COL23A1: variants seen among roughly 807,000 people sequenced by gnomAD.
COL23A1 encodes collagen alpha-1(XXIII) chain.
A neutral mutation model predicts 99.3 loss-of-function variants in COL23A1; 97 were observed. That is an observed-to-expected ratio of 0.98 (90% CI 0.83 to 1.16). The LOEUF (loss-of-function observed/expected upper bound fraction) is 1.16, where lower values mean the gene tolerates loss of function less well. COL23A1 is among the 50% of genes most tolerant of loss of function. The pLI is 0.00. For synonymous variants in COL23A1, 320 were observed against 308.2 expected (o/e 1.04, Z -0.40); for missense variants, 762 against 757.4 (o/e 1.01, Z -0.07).
chr5:178,590,270 G>A lies in COL23A1; in HGVS notation c.-73C>T. On this transcript the variant is annotated 5_prime_UTR_variant, in exon 1 of 29. Transcript: ENST00000390654. The surrounding 1 kb of genome is among the most constrained non-coding windows in gnomAD (Gnocchi z 5.7). ...GCAGAGGCTGGGTGCGAGAGGAGCA[G>A]GCGGGACAGCCCGAGGCACGAGGTC... 1 of 1,164,844 alleles carries A rather than the reference G, an allele frequency of 8.6e-7. No homozygotes were observed. Among genetic ancestry groups the A allele is most frequent in the Non-Finnish European group, 1.1e-6 (1 of 940,456 alleles). 72.2% of individuals were successfully genotyped at this position (1,164,844 alleles called of 1,614,324 possible).
At chr5:178,476,431 T>A (rs1386760918) in intron 2 of COL23A1, among the ~76,000 whole-genome samples, 1 of 152,234 alleles carries the variant, frequency 6.6e-6, no homozygotes, top group Non-Finnish European at 1.5e-5. Flanking sequence ...CTTTGGTTTT[T>A]TGGCTCCTTT....
intron 2 of COL23A1, chr5:178,352,347 A>G (rs1287974356): frequency 6.6e-6 from 1 of 152,242 alleles, no homozygotes; most frequent in East Asian, 1.9e-4. Flanking sequence ...CAAGATGCAA[A>G]TGCTATTAAA....
chr5:178,506,988 T>G (rs1408576476), intron 2 of COL23A1, among the ~76,000 whole-genome samples: 1 of 152,256 alleles, frequency 6.6e-6, no homozygotes, highest in Non-Finnish European at 1.5e-5. Context: ...CGTTTTAGTT[T>G]AATTTTGTTT....
intron 27 of COL23A1, among the ~76,000 whole-genome samples, chr5:178,239,526 T>C (rs968612181): frequency 2.0e-5 from 3 of 151,042 alleles, no homozygotes; most frequent in African/African-American, 4.9e-5. Context: ...CCGTGTGGCT[T>C]CCTGTCTGAT....
At chr5:178,577,481 A>T (rs1407349681) in intron 1 of COL23A1, among the ~76,000 whole-genome samples, 1 of 152,172 alleles carries the variant, frequency 6.6e-6, no homozygotes, top group Non-Finnish European at 1.5e-5. Context: ...GTGGTGCTGT[A>T]GGGGGAAGCT....
At chr5:178,540,170 A>C (rs1257421945) in intron 2 of COL23A1, among the ~76,000 whole-genome samples, 1 of 151,864 alleles carries the variant, frequency 6.6e-6, no homozygotes, top group South Asian at 2.1e-4. Context: ...GGTCTTAGAC[A>C]ATCAATTAAT....
intron 2 of COL23A1, among the ~76,000 whole-genome samples, chr5:178,416,809 C>T (rs565991052): frequency 2.2e-4 from 34 of 152,154 alleles, no homozygotes; most frequent in African/African-American, 8.2e-4. Context: ...GCACACAGCC[C>T]CCAGGGCAGG....
chr5:178,328,550 G>C (rs55698123), intron 2 of COL23A1, among the ~76,000 whole-genome samples: 2 of 152,320 alleles, frequency 1.3e-5, no homozygotes, highest in South Asian at 4.1e-4. Flanking sequence ...TCTATTCATG[G>C]CTTTCTTAGG....
intron 2 of COL23A1, among the ~76,000 whole-genome samples, chr5:178,427,668 G>A (rs1283538233): frequency 1.3e-5 from 2 of 152,184 alleles, no homozygotes; most frequent in African/African-American, 2.4e-5. Context: ...AGACATGGAG[G>A]AAGCTTAAAT....
At chr5:178,536,275 G>A (rs887253879) in intron 2 of COL23A1, among the ~76,000 whole-genome samples, 14 of 152,396 alleles carry the variant, frequency 9.2e-5, no homozygotes, top group Non-Finnish European at 1.9e-4. Flanking sequence ...GGAGAACCAC[G>A]AAGAGATGGA....
rs1254873932 is a variant in COL23A1 at position 178,306,771 on chromosome 5, C to G, written c.406+104G>C. 2 of 830,856 alleles carry G rather than the reference C, an allele frequency of 2.4e-6. No homozygotes were observed. The highest frequency in any genetic ancestry group is 3.5e-6 in the Non-Finnish European group (2 of 568,540). The allele number at this position is 830,856 out of a possible 1,614,324, so 51.5% of individuals were successfully genotyped here. ...GAGGAGCACCTGCCCAGGACCAAGG[C>G]ATGACTCAGGGTGGGCAGCAGGTGG... On this transcript the variant is annotated intron_variant, in intron 3 of 28. Transcript: ENST00000390654. This position sits in a 1 kb window ranked among gnomAD's most constrained non-coding sequence, Gnocchi z 4.1.
intron 2 of COL23A1, among the ~76,000 whole-genome samples, chr5:178,536,193 G>A (rs539225): frequency 0.21 from 32,729 of 152,274 alleles, 3,604 homozygotes; most frequent in Non-Finnish European, 0.22. Context: ...CGTCACCCTC[G>A]GCTGGGGACG....
chr5:178,519,300 C>T (rs1040072978), intron 2 of COL23A1, among the ~76,000 whole-genome samples: 7 of 152,252 alleles, frequency 4.6e-5, no homozygotes, highest in Non-Finnish European at 1.0e-4. Context: ...GGCCAGTGCC[C>T]TGTCTACCTT....
intron 2 of COL23A1, among the ~76,000 whole-genome samples, chr5:178,377,575 T>C (rs1208762032): frequency 6.6e-6 from 1 of 152,142 alleles, no homozygotes; most frequent in East Asian, 1.9e-4. Context: ...TCCTCAAGCC[T>C]AACTTCCCTG....
At chr5:178,560,179 G>C (rs867876694) in intron 2 of COL23A1, among the ~76,000 whole-genome samples, 1 of 152,208 alleles carries the variant, frequency 6.6e-6, no homozygotes, top group South Asian at 2.1e-4. Flanking sequence ...AAACCAAAGA[G>C]AGTCTATGAT....
At chr5:178,397,316 A>G (rs1764203306) in intron 2 of COL23A1, among the ~76,000 whole-genome samples, 1 of 152,234 alleles carries the variant, frequency 6.6e-6, no homozygotes, top group South Asian at 2.1e-4. Flanking sequence ...AGACGCAAGG[A>G]GGGGGCGCTC....
At chr5:178,485,417 G>A (rs1487841844) in intron 2 of COL23A1, among the ~76,000 whole-genome samples, 2 of 151,772 alleles carry the variant, frequency 1.3e-5, no homozygotes, top group Non-Finnish European at 2.9e-5. Context: ...TGAGGCTACC[G>A]TGACCTAGGA....
intron 1 of COL23A1, among the ~76,000 whole-genome samples, chr5:178,579,411 TAGC>T (rs1763548592): frequency 6.6e-6 from 1 of 152,160 alleles, no homozygotes; most frequent in African/African-American, 2.4e-5. Flanking sequence ...AGCTGGAAAA[TAGC>T]AGTGCTGGGA....
At chr5:178,423,158 T>A (rs531896816) in intron 2 of COL23A1, among the ~76,000 whole-genome samples, 5 of 151,708 alleles carry the variant, frequency 3.3e-5, no homozygotes, top group South Asian at 2.1e-4. Context: ...ATTCTTATAT[T>A]TTTTTTTGTA....
Sources: gnomAD v4.1 joint callset for allele counts (sites outside exome capture counted in the v4.1 genomes callset) on GRCh38, gnomAD v4.1.1 for gene constraint, Gnocchi (gnomAD v3.1) non-coding constraint, MANE v1.5 for transcripts, NCBI Gene and HGNC (gene_info 2026-07-23, HGNC 2026-07-21) for gene names.